CTNNA3: variants seen among roughly 807,000 people sequenced by gnomAD.
CTNNA3 encodes catenin alpha 3, also known as catenin alpha-3.
In CTNNA3, 76 loss-of-function variants were observed where a neutral mutation model predicts 95.7. That is an observed-to-expected ratio of 0.79 (90% CI 0.66 to 0.96). The LOEUF is 0.96. Ranked by LOEUF, CTNNA3 falls within the 40% of genes least tolerant of loss-of-function variation. CTNNA3 has a pLI of 0.00. For missense variants in CTNNA3, 1,191 were observed against 1,089.8 expected (o/e 1.09, Z -1.31); for synonymous variants, 431 against 374.4 (o/e 1.15, Z -1.74).
At chr10:66,850,666 T>C (rs1230673368) in intron 7 of CTNNA3, among the ~76,000 whole-genome samples, 15 of 152,148 alleles carry the variant, frequency 9.9e-5, no homozygotes, top group Admixed American at 9.2e-4. Flanking sequence ...ACAACCATTT[T>C]TTTTCAAGCT....
intron 5 of CTNNA3, among the ~76,000 whole-genome samples, chr10:67,490,221 T>C (rs1367361992): frequency 6.6e-6 from 1 of 152,220 alleles, no homozygotes; most frequent in Non-Finnish European, 1.5e-5. Flanking sequence ...AACAGAAATG[T>C]CACAACAATT....
intron 13 of CTNNA3, among the ~76,000 whole-genome samples, chr10:66,237,073 G>A (rs371573818): frequency 2.0e-5 from 3 of 152,108 alleles, no homozygotes; most frequent in Admixed American, 6.6e-5. Flanking sequence ...AGCCTGCCAT[G>A]AGCTTATGAT....
Position 65,920,252 on chromosome 10 carries a change from G to T in CTNNA3, c.*78C>A. Reference sequence around the variant, plus strand: ...AACACCAAAACTTAGTGAAATTACAGAACTTCTTAAGTGTAAAATAAAGCA... The same window carrying T: ...AACACCAAAACTTAGTGAAATTACATAACTTCTTAAGTGTAAAATAAAGCA... On this transcript the variant is annotated 3_prime_UTR_variant, in exon 18 of 18. Coordinates refer to ENST00000433211, the MANE Select transcript of CTNNA3 (RefSeq NM_013266.4). 1 of 1,254,984 alleles carries T rather than the reference G, an allele frequency of 8.0e-7. No homozygotes were observed. Among genetic ancestry groups the T allele is most frequent in the Non-Finnish European group, 1.1e-6 (1 of 894,116 alleles). The allele number at this position is 1,254,984 out of a possible 1,614,324, so 77.7% of individuals were successfully genotyped here. A position where few individuals can be genotyped will look rare whatever the true frequency, so the allele number is the denominator to read the frequency against.
intron 3 of CTNNA3, among the ~76,000 whole-genome samples, chr10:67,547,506 T>A (rs1402567186): frequency 6.6e-6 from 1 of 152,204 alleles, no homozygotes. Context: ...ACAAATTTAT[T>A]CTTTCATATA....
chr10:66,079,486 T>C (rs1589339310), intron 14 of CTNNA3, among the ~76,000 whole-genome samples: 1 of 152,102 alleles, frequency 6.6e-6, no homozygotes, highest in Non-Finnish European at 1.5e-5. Context: ...CTTTTAATCA[T>C]ATTTTTGCAT....
intron 1 of CTNNA3, among the ~76,000 whole-genome samples, chr10:67,752,539 T>C (rs1841412865): frequency 6.6e-6 from 1 of 152,190 alleles, no homozygotes; most frequent in Non-Finnish European, 1.5e-5. Flanking sequence ...GAAGTTAAAC[T>C]GTCTCTGCAG....
At chr10:66,223,464 T>C (rs918797738) in intron 13 of CTNNA3, among the ~76,000 whole-genome samples, 1 of 152,212 alleles carries the variant, frequency 6.6e-6, no homozygotes, top group African/African-American at 2.4e-5. Context: ...GCAAAAGTTA[T>C]GATTATTCAC....
At chr10:67,124,048 C>T (rs1334812726) in intron 7 of CTNNA3, among the ~76,000 whole-genome samples, 1 of 151,986 alleles carries the variant, frequency 6.6e-6, no homozygotes, top group Non-Finnish European at 1.5e-5. Flanking sequence ...TTCTGAGGCC[C>T]CAGCCCAGGA....
At chr10:65,966,533 G>A (rs1190059682) in intron 17 of CTNNA3, 79 bp downstream of exon 17, 7 of 1,179,904 alleles carry the variant, frequency 5.9e-6, no homozygotes, top group Non-Finnish European at 8.0e-6. Context: ...TAAAAGATTT[G>A]GTCATGTAAA....
intron 10 of CTNNA3, among the ~76,000 whole-genome samples, chr10:66,580,689 T>C (rs542464341): frequency 3.1e-4 from 47 of 151,920 alleles, no homozygotes; most frequent in African/African-American, 1.1e-3. Context: ...AAATTCTGGA[T>C]CACATTTCTG....
At chr10:66,731,425 C>T (rs1292980276) in intron 9 of CTNNA3, among the ~76,000 whole-genome samples, 1 of 151,908 alleles carries the variant, frequency 6.6e-6, no homozygotes, top group Admixed American at 6.6e-5. Context: ...TCCCTCCTTC[C>T]CTCCCTCCCT....
At position 66,884,601 on chromosome 10, in the gene CTNNA3, A is replaced by G. The variant is rs555519013; in HGVS notation, c.1048-109077T>C. On this transcript the variant is annotated intron_variant, in intron 7 of 17. Coordinates refer to ENST00000433211, the MANE Select transcript of CTNNA3 (RefSeq NM_013266.4). ...CTTCACATAAACACAGCCCCAGTCA[A>G]TGTCTTGACAGCAACTTCCTGAGAG... 2.4e-4 allele frequency among the ~76,000 whole-genome samples: 37 copies of G among 152,222 alleles called. 2 individuals are homozygous for G. The South Asian group carries it at 7.5e-3, about 31-fold the overall frequency.
chr10:67,511,380 A>G (rs994119103), intron 5 of CTNNA3, among the ~76,000 whole-genome samples: 1 of 152,132 alleles, frequency 6.6e-6, no homozygotes. Flanking sequence ...ATCAATACCT[A>G]GTTTATTGAG....
intron 6 of CTNNA3, among the ~76,000 whole-genome samples, chr10:67,205,428 A>C (rs183660042): frequency 9.9e-5 from 15 of 152,038 alleles, no homozygotes; most frequent in Admixed American, 8.5e-4. Flanking sequence ...TACCCACCAA[A>C]ATTGCAAACT....
intron 10 of CTNNA3, among the ~76,000 whole-genome samples, chr10:66,585,188 C>T (rs888562403): frequency 6.6e-6 from 1 of 151,958 alleles, no homozygotes; most frequent in Non-Finnish European, 1.5e-5. Flanking sequence ...CAATGAGTCT[C>T]TCAGGAGTTC....
chr10:66,619,265 T>A (rs1844650646), intron 10 of CTNNA3, among the ~76,000 whole-genome samples: 1 of 151,512 alleles, frequency 6.6e-6, no homozygotes, highest in African/African-American at 2.4e-5. Flanking sequence ...TGCACACGTA[T>A]GTTTATTGCA....
intron 9 of CTNNA3, among the ~76,000 whole-genome samples, chr10:66,629,288 A>C (rs979015675): frequency 2.0e-5 from 3 of 152,090 alleles, no homozygotes; most frequent in African/African-American, 2.4e-5. Flanking sequence ...TAACCCCATG[A>C]GTCTTATGAC....
At position 67,499,206 on chromosome 10, in the gene CTNNA3, G is replaced by A. The variant is rs148819656; in HGVS notation, c.579+22636C>T. Among the ~76,000 whole-genome samples the A allele has an allele frequency of 7.6e-3, 1,159 of 152,062 alleles. 11 individuals carry two copies. Among genetic ancestry groups the A allele is most frequent in the Non-Finnish European group, 0.013 (869 of 67,916 alleles). On this transcript the variant is annotated intron_variant, in intron 5 of 17. Coordinates refer to ENST00000433211, the MANE Select transcript of CTNNA3 (RefSeq NM_013266.4). ...TATTGAGATATTCATGGGTTTTGTC[G>A]TTGGTTCTGTTTAGGTGATGAATTA...
chr10:66,003,512 A>C (rs2078814311), intron 15 of CTNNA3, among the ~76,000 whole-genome samples: 1 of 152,144 alleles, frequency 6.6e-6, no homozygotes, highest in African/African-American at 2.4e-5. Context: ...TTCATAGAAG[A>C]ATTTCATGGA....
Sources: gnomAD v4.1 joint callset for allele counts (sites outside exome capture counted in the v4.1 genomes callset) on GRCh38, gnomAD v4.1.1 for gene constraint, MANE v1.5 for transcripts, NCBI Gene and HGNC (gene_info 2026-07-23, HGNC 2026-07-21) for gene names.